PDHX: variants seen among roughly 807,000 people sequenced by gnomAD.
PDHX encodes the protein pyruvate dehydrogenase complex component X, also known as pyruvate dehydrogenase protein X component, mitochondrial.
A neutral mutation model predicts 55.3 loss-of-function variants in PDHX; 33 were observed. The ratio of observed to expected loss-of-function variants is 0.60; its 90% CI spans 0.45 to 0.80. The LOEUF is 0.80. PDHX is among the 30% of genes least tolerant of loss of function. The probability of loss-of-function intolerance (pLI) is 0.00; values close to 1 mark genes in which losing one functional copy is unlikely to be tolerated. For synonymous variants in PDHX, 226 were observed against 219.4 expected, an observed-to-expected ratio of 1.03 and a Z score of -0.27; for missense variants, 622 against 619.9, an observed-to-expected ratio of 1.00 and a Z score of -0.04.
rs184137887 is a variant in PDHX at position 34,981,952 on chromosome 11, G to C, written c.1024-2618G>C. On this transcript the variant is annotated intron_variant, in intron 8 of 10. Coordinates refer to ENST00000227868, the MANE Select transcript of PDHX (RefSeq NM_003477.3). ...AAAATGTTTTCCCATTCTGTAGGTT[G>C]CCTGTTCACTCTGATGGTAGTTTCT... Among the ~76,000 whole-genome samples the C allele has an allele frequency of 7.4e-3, 1,126 of 152,242 alleles. 17 individuals carry two copies. The highest frequency in any genetic ancestry group is 0.026 in the African/African-American group (1,080 of 41,532).
intron 2 of PDHX, 28 bp from the exon 3 acceptor site, chr11:34,947,478 A>T: frequency 6.6e-7 from 1 of 1,506,628 alleles, no homozygotes; most frequent in Admixed American, 1.7e-5. Flanking sequence ...ATTTTAAAAA[A>T]CAAAACAAAC....
chr11:34,967,457 A>G (rs192835716), intron 6 of PDHX, among the ~76,000 whole-genome samples: 38 of 152,334 alleles, frequency 2.5e-4, no homozygotes, highest in Admixed American at 2.4e-3. Context: ...TGTGATACTA[A>G]TAATTAGTAG....
At chr11:34,961,177 T>A (rs764102639) in intron 5 of PDHX, among the ~76,000 whole-genome samples, 9 of 152,158 alleles carry the variant, frequency 5.9e-5, no homozygotes, top group Non-Finnish European at 1.0e-4. Flanking sequence ...GTGAGGGGTA[T>A]TTTTATGGGA....
upstream of PDHX, chr11:34,915,991 T>G: frequency 1.7e-6 from 1 of 590,888 alleles, no homozygotes; most frequent in Non-Finnish European, 2.9e-6. Context: ...TTTCCAACGT[T>G]TGGCGCCCAG....
chr11:34,943,647 T>C (rs1854546512), intron 2 of PDHX, among the ~76,000 whole-genome samples: 1 of 152,210 alleles, frequency 6.6e-6, no homozygotes, highest in Non-Finnish European at 1.5e-5. Context: ...TCATTTTTGG[T>C]CTCTTCCTGC....
chr11:34,934,452 A>G (rs1363038075), intron 2 of PDHX, among the ~76,000 whole-genome samples: 4 of 152,154 alleles, frequency 2.6e-5, no homozygotes, highest in Non-Finnish European at 5.9e-5. Flanking sequence ...GGGGGAACCT[A>G]TAGCATACAA....
intron 3 of PDHX, among the ~76,000 whole-genome samples, chr11:34,956,569 TC>T (rs1415938634): frequency 2.0e-5 from 3 of 152,196 alleles, no homozygotes; most frequent in African/African-American, 7.2e-5. Context: ...TCTAGGGACT[TC>T]TTTTTAGTAA....
intron 5 of PDHX, among the ~76,000 whole-genome samples, chr11:34,964,803 ATAACTAATATTAGCTATTAG>A (rs1590755500): frequency 2.0e-5 from 3 of 149,718 alleles, no homozygotes; most frequent in East Asian, 3.9e-4. Flanking sequence ...AGCTATTAGC[ATAACTAATATTAGCTATTAG>A]CATAACTAAT....
chr11:34,986,493 A>G (rs1242134795), intron 9 of PDHX, among the ~76,000 whole-genome samples: 1 of 152,180 alleles, frequency 6.6e-6, no homozygotes, highest in Non-Finnish European at 1.5e-5. Context: ...AACAACCTGT[A>G]AAATATAAAG....
In PDHX at chr11:34,949,997, TAGC is replaced by T. The variant is rs1456707530; in HGVS notation, c.342+2394_342+2396del. Among the ~76,000 whole-genome samples the T allele has an allele frequency of 5.9e-5, 9 of 152,282 alleles. No homozygotes were observed. In the East Asian group the frequency reaches 1.5e-3, roughly 26 times the overall value. ...TAATTGATCATCTGAATACTAAAAA[TAGC>T]AGAATAATTATTCTCGGTACTATTC... is the stretch of plus-strand genomic sequence containing the variant. On this transcript the variant is annotated intron_variant, in intron 3 of 10. Coordinates refer to ENST00000227868, the MANE Select transcript of PDHX (RefSeq NM_003477.3).
At chr11:34,990,083 C>T (rs1009696120) in intron 9 of PDHX, among the ~76,000 whole-genome samples, 2 of 152,074 alleles carry the variant, frequency 1.3e-5, no homozygotes, top group Admixed American at 6.6e-5. Flanking sequence ...GTAGGCATAC[C>T]CCAGCCAAGT....
chr11:34,923,285 C>T (rs1187039049), intron 1 of PDHX, among the ~76,000 whole-genome samples: 1 of 151,970 alleles, frequency 6.6e-6, no homozygotes, highest in Non-Finnish European at 1.5e-5. Context: ...AAATCAAGGA[C>T]TTTATTATAT....
In PDHX at chr11:34,957,587, AG is replaced by A. The variant is rs745453369; in HGVS notation, c.542+5del. 1.2e-6 allele frequency: 2 copies of A among 1,605,274 alleles called. No individual in the cohort carries two copies. The highest frequency in any genetic ancestry group is 2.7e-5 in the African/African-American group (2 of 74,734). ...AACACATACCCGGGACACTACGGTGAGTATATATTTATTCAAAGGATGATGT... is the reference window on the plus strand; with the variant it reads ...AACACATACCCGGGACACTACGGTGATATATATTTATTCAAAGGATGATGT... On this transcript the variant is annotated splice_donor_5th_base_variant and intron_variant, in intron 4 of 10. Coordinates refer to ENST00000227868, the MANE Select transcript of PDHX (RefSeq NM_003477.3).
intron 5 of PDHX, among the ~76,000 whole-genome samples, chr11:34,962,212 A>G (rs1855033806): frequency 6.6e-6 from 1 of 152,228 alleles, no homozygotes; most frequent in Admixed American, 6.5e-5. Context: ...GCAGAAAAAG[A>G]TGAGATAAGG....
At chr11:34,967,491 A>G (rs1855162841) in intron 6 of PDHX, among the ~76,000 whole-genome samples, 1 of 152,132 alleles carries the variant, frequency 6.6e-6, no homozygotes, top group Non-Finnish European at 1.5e-5. Flanking sequence ...CCTTTTGTGG[A>G]TATGTTCTAC....
chr11:34,973,116 C>G (rs890489862), intron 7 of PDHX, among the ~76,000 whole-genome samples: 2 of 152,068 alleles, frequency 1.3e-5, no homozygotes, highest in African/African-American at 2.4e-5. Flanking sequence ...TCCTGAAGAT[C>G]TATTATTGGC....
chr11:34,916,622 T>C lies in PDHX; in HGVS notation c.-34T>C. On this transcript the variant is annotated 5_prime_UTR_variant, in exon 1 of 11. Transcript: ENST00000227868. ...GGGGCCTTGATGCTGGACATCAGGC[T>C]GTGCTGCGGGCAGCCAGTGAGAAGG... 1 of 1,602,018 alleles carries C rather than the reference T, an allele frequency of 6.2e-7. No homozygotes were observed. Among genetic ancestry groups the C allele is most frequent in the Non-Finnish European group, 8.5e-7 (1 of 1,179,574 alleles).
intron 10 of PDHX, 108 bp downstream of exon 10, chr11:34,992,487 T>TA: frequency 1.5e-6 from 1 of 668,030 alleles, no homozygotes; most frequent in South Asian, 1.7e-5. Context: ...AAATTTAAGC[T>TA]AAAAATACTT....
intron 2 of PDHX, among the ~76,000 whole-genome samples, chr11:34,932,641 A>C (rs1266171659): frequency 6.6e-6 from 1 of 152,216 alleles, no homozygotes; most frequent in African/African-American, 2.4e-5. Context: ...TGCTGGAGGA[A>C]ATGCTAAATG....
Sources: allele counts gnomAD v4.1 joint callset (sites outside exome capture counted in the v4.1 genomes callset), GRCh38; gene constraint gnomAD v4.1.1; transcripts MANE v1.5; gene names NCBI Gene and HGNC (gene_info 2026-07-23, HGNC 2026-07-21).